Variants in CFAP299 observed in about 807,000 individuals in gnomAD.
The protein encoded by CFAP299 is cilia- and flagella-associated protein 299.
In CFAP299, 21 loss-of-function variants were observed where a neutral mutation model predicts 27.0. The observed-to-expected ratio is 0.78, with a 90% CI of 0.55 to 1.12. The LOEUF (loss-of-function observed/expected upper bound fraction) is 1.12. CFAP299 is among the 50% of genes most tolerant of loss of function. CFAP299 has a pLI of 0.00. For synonymous variants in CFAP299, 104 were observed against 98.1 expected (o/e 1.06, Z -0.36); for missense variants, 310 against 276.6 (o/e 1.12, Z -0.86).
At chr4:80,583,787 A>G (rs926232585) in intron 3 of CFAP299, among the ~76,000 whole-genome samples, 1 of 151,970 alleles carries the variant, frequency 6.6e-6, no homozygotes, top group African/African-American at 2.4e-5. Context: ...AGTCTTTGTA[A>G]GTCTTAACAT....
intron 4 of CFAP299, among the ~76,000 whole-genome samples, chr4:80,879,083 A>G (rs1415534801): frequency 6.6e-6 from 1 of 152,172 alleles, no homozygotes; most frequent in African/African-American, 2.4e-5. Flanking sequence ...CATGATCATT[A>G]TTCTTTAGAT....
chr4:80,682,549 C>T (rs1389315205), intron 3 of CFAP299, among the ~76,000 whole-genome samples: 1 of 147,716 alleles, frequency 6.8e-6, no homozygotes, highest in Non-Finnish European at 1.5e-5. Flanking sequence ...AAATGCTAAG[C>T]AGTGTACATT....
At chr4:80,341,885 G>A (rs897726987) in intron 1 of CFAP299, among the ~76,000 whole-genome samples, 2 of 152,174 alleles carry the variant, frequency 1.3e-5, no homozygotes, top group Admixed American at 1.3e-4. Context: ...CTGAGCTAAA[G>A]GAGCATGTTG....
At chr4:80,926,059 T>C (rs1736290194) in intron 4 of CFAP299, among the ~76,000 whole-genome samples, 1 of 152,024 alleles carries the variant, frequency 6.6e-6, no homozygotes, top group African/African-American at 2.4e-5. Context: ...ATATGATATT[T>C]GAAGGATGTG....
At chr4:80,826,314 A>C (rs952302515) in intron 3 of CFAP299, among the ~76,000 whole-genome samples, 1 of 151,780 alleles carries the variant, frequency 6.6e-6, no homozygotes, top group African/African-American at 2.4e-5. Flanking sequence ...GGGACAAAAA[A>C]TCTTAAAAGG....
At chr4:80,897,821 C>T (rs1015173282) in intron 4 of CFAP299, among the ~76,000 whole-genome samples, 2 of 152,204 alleles carry the variant, frequency 1.3e-5, no homozygotes, top group African/African-American at 4.8e-5. Context: ...TTGATTTCCC[C>T]TGTGAGAGCT....
intron 3 of CFAP299, among the ~76,000 whole-genome samples, chr4:80,747,141 T>G (rs1465321362): frequency 6.6e-6 from 1 of 152,070 alleles, no homozygotes; most frequent in Non-Finnish European, 1.5e-5. Context: ...ATTTTTAAAT[T>G]TATTGTGTAT....
At chr4:80,825,636 T>C (rs985823527) in intron 3 of CFAP299, among the ~76,000 whole-genome samples, 2 of 151,962 alleles carry the variant, frequency 1.3e-5, no homozygotes. Context: ...AAGAATCCTA[T>C]ATCCAGCAAA....
At chr4:80,640,211 T>C (rs71596024) in intron 3 of CFAP299, among the ~76,000 whole-genome samples, 16,911 of 152,202 alleles carry the variant, frequency 0.11, 1,080 homozygotes, top group South Asian at 0.21. Flanking sequence ...GAGTTATGGC[T>C]ATGAAGCCGG....
intron 2 of CFAP299, among the ~76,000 whole-genome samples, chr4:80,446,002 G>T (rs2110091273): frequency 6.6e-6 from 1 of 152,326 alleles, no homozygotes; most frequent in Non-Finnish European, 1.5e-5. Context: ...TTGAAATGGT[G>T]TCTCTCCCTT....
At chr4:80,575,717 G>A (rs1278493866) in intron 2 of CFAP299, among the ~76,000 whole-genome samples, 2 of 151,878 alleles carry the variant, frequency 1.3e-5, no homozygotes, top group Non-Finnish European at 2.9e-5. Flanking sequence ...TTTTAAAGAT[G>A]CATCATTAAG....
chr4:80,923,035 C>CTT (rs1209688819), intron 4 of CFAP299, among the ~76,000 whole-genome samples: 4 of 151,880 alleles, frequency 2.6e-5, no homozygotes, highest in Non-Finnish European at 1.5e-5. Flanking sequence ...TACATGCTGG[C>CTT]TATTTGCTAA....
chr4:80,553,852 T>A (rs1341878650), intron 2 of CFAP299, among the ~76,000 whole-genome samples: 1 of 152,104 alleles, frequency 6.6e-6, no homozygotes, highest in African/African-American at 2.4e-5. Context: ...GGTTTTCTCT[T>A]ATAAATTTGT....
intron 3 of CFAP299, among the ~76,000 whole-genome samples, chr4:80,615,826 T>C (rs1463199638): frequency 2.0e-5 from 3 of 152,204 alleles, no homozygotes; most frequent in Admixed American, 6.6e-5. Context: ...ATTGAGGCAC[T>C]TCTATTAAAA....
intron 3 of CFAP299, among the ~76,000 whole-genome samples, chr4:80,838,803 T>C (rs1453217290): frequency 2.6e-5 from 4 of 152,166 alleles, no homozygotes. Flanking sequence ...ATGAAGAAAG[T>C]CAATGTATTT....
chr4:80,590,023 T>A (rs1736642790), intron 3 of CFAP299, among the ~76,000 whole-genome samples: 1 of 152,166 alleles, frequency 6.6e-6, no homozygotes, highest in African/African-American at 2.4e-5. Flanking sequence ...TTGCTCATAA[T>A]AGCAGCATAA....
intron 2 of CFAP299, among the ~76,000 whole-genome samples, chr4:80,482,491 T>C (rs955551259): frequency 1.7e-4 from 26 of 152,150 alleles, no homozygotes; most frequent in Non-Finnish European, 3.7e-4. Flanking sequence ...TAATAACTTA[T>C]GCATTTTAGA....
intron 3 of CFAP299, among the ~76,000 whole-genome samples, chr4:80,764,890 A>G (rs551891054): frequency 7.2e-5 from 11 of 152,244 alleles, no homozygotes; most frequent in Non-Finnish European, 1.5e-4. Flanking sequence ...TTGAACGACG[A>G]GAACACATGG....
chr4:80,937,420 G>A (rs907957323), intron 4 of CFAP299, among the ~76,000 whole-genome samples: 10 of 140,450 alleles, frequency 7.1e-5, no homozygotes, highest in Admixed American at 3.1e-4. Context: ...AGGCTCAATC[G>A]ATCCTCCCAC....
Sources: gnomAD v4.1 joint callset for allele counts (sites outside exome capture counted in the v4.1 genomes callset) on GRCh38, gnomAD v4.1.1 for gene constraint, MANE v1.5 for transcripts, NCBI Gene and HGNC (gene_info 2026-07-23, HGNC 2026-07-21) for gene names.